SLC1A2: variants seen among roughly 807,000 people sequenced by gnomAD.
SLC1A2 encodes solute carrier family 1 member 2.
Under a neutral mutation model 48.8 loss-of-function variants are expected in SLC1A2, and 15 were observed. The ratio of observed to expected loss-of-function variants is 0.31; its 90% CI spans 0.21 to 0.47. SLC1A2 has a LOEUF of 0.47. Among genes scored for constraint, SLC1A2 ranks in the 20% least tolerant of loss-of-function variants. The pLI, the probability that SLC1A2 is intolerant of heterozygous loss-of-function variation, is 0.99. For missense variants in SLC1A2, 502 were observed against 730.5 expected, an observed-to-expected ratio of 0.69 and a Z score of 3.61; for synonymous variants, 279 against 272.6, an observed-to-expected ratio of 1.02 and a Z score of -0.23.
At chr11:35,346,433 C>A (rs1044583766) in intron 1 of SLC1A2, among the ~76,000 whole-genome samples, 2 of 152,178 alleles carry the variant, frequency 1.3e-5, no homozygotes, top group Non-Finnish European at 2.9e-5. Context: ...AAAGAAGCTG[C>A]CTTTCACTCA....
rs1489555701 is a variant in SLC1A2, at chr11:35,258,366, T to C, written c.*2528A>G. ...GTCTGCTGACATATTTACAGGCTAA[T>C]AGGATAGCTAGGAAAAAGTTGAAGA... On this transcript the variant is annotated 3_prime_UTR_variant, in exon 11 of 11. Transcript: ENST00000278379. 6.6e-6 allele frequency: 1 copy of C among 152,272 alleles called. No homozygotes were observed. Among genetic ancestry groups the C allele is most frequent in the Non-Finnish European group, 1.5e-5 (1 of 68,030 alleles). The allele number at this position is 152,272 out of a possible 1,614,324, so 9.4% of individuals were successfully genotyped here. A position where few individuals can be genotyped will look rare whatever the true frequency, so the allele number is the denominator to read the frequency against.
At chr11:35,271,796 T>A (rs771706880) in intron 9 of SLC1A2, among the ~76,000 whole-genome samples, 1 of 152,150 alleles carries the variant, frequency 6.6e-6, no homozygotes, top group South Asian at 2.1e-4. Flanking sequence ...TGAGCCATGA[T>A]AGCGCCACTG....
At chr11:35,363,492 GAA>G (rs892503649) in intron 1 of SLC1A2, among the ~76,000 whole-genome samples, 1 of 152,130 alleles carries the variant, frequency 6.6e-6, no homozygotes, top group Non-Finnish European at 1.5e-5. Flanking sequence ...CAGGACCAGA[GAA>G]TGCCTTCAGA....
intron 1 of SLC1A2, among the ~76,000 whole-genome samples, chr11:35,394,472 G>GA (rs912211400): frequency 1.7e-4 from 26 of 151,374 alleles, no homozygotes; most frequent in Non-Finnish European, 2.7e-4. Context: ...CTCCCCTGAT[G>GA]AAAAAAAAAT....
At chr11:35,305,093 A>T (rs1325367453) in intron 5 of SLC1A2, among the ~76,000 whole-genome samples, 1 of 152,170 alleles carries the variant, frequency 6.6e-6, no homozygotes, top group Non-Finnish European at 1.5e-5. Context: ...TTTTGGCCAA[A>T]TGCCCCTATT....
chr11:35,397,255 A>G (rs1006674142), intron 1 of SLC1A2, among the ~76,000 whole-genome samples: 1 of 148,664 alleles, frequency 6.7e-6, no homozygotes, highest in Non-Finnish European at 1.5e-5. Flanking sequence ...AGCCGGAGGC[A>G]TCACGCTACC....
intron 1 of SLC1A2, among the ~76,000 whole-genome samples, chr11:35,327,305 A>C (rs989312246): frequency 2.0e-5 from 3 of 149,358 alleles, no homozygotes; most frequent in Non-Finnish European, 4.4e-5. Flanking sequence ...AAATACATAT[A>C]GTATATCTAT....
chr11:35,336,364 G>C (rs1852633020), intron 1 of SLC1A2, among the ~76,000 whole-genome samples: 1 of 152,148 alleles, frequency 6.6e-6, no homozygotes, highest in Non-Finnish European at 1.5e-5. Flanking sequence ...AAGGTTTCTT[G>C]ATGATCTCTA....
At chr11:35,298,144 C>G (rs778187537) in intron 6 of SLC1A2, 10 of 152,074 alleles carry the variant, frequency 6.6e-5, no homozygotes, top group Non-Finnish European at 1.3e-4. Flanking sequence ...TTGTTCAGTA[C>G]TATTGTGAAG....
chr11:35,352,720 T>C (rs982848874), intron 1 of SLC1A2, among the ~76,000 whole-genome samples: 1 of 152,206 alleles, frequency 6.6e-6, no homozygotes, highest in Non-Finnish European at 1.5e-5. Context: ...TACACCTTAC[T>C]GGATACATTT....
Position 35,251,721 on chromosome 11 carries a change from T to C in SLC1A2, c.*9173A>G, listed in dbSNP as rs3088168. 0.33 allele frequency: 50,336 copies of C among 152,412 alleles called. 9,401 individuals carry two copies. The highest frequency in any genetic ancestry group is 0.54 in the South Asian group (2,585 of 4,822). 9.4% of individuals were successfully genotyped at this position (152,412 alleles called of 1,614,324 possible). A position where few individuals can be genotyped will look rare whatever the true frequency, so the allele number is the denominator to read the frequency against. On this transcript the variant is annotated 3_prime_UTR_variant, in exon 11 of 11. Transcript: ENST00000278379. ...AGGAAAAATTAGCCTGTCCACCATATCTCCTCATATGAAGCAGCCACTGCA... is the reference window on the plus strand; with the variant it reads ...AGGAAAAATTAGCCTGTCCACCATACCTCCTCATATGAAGCAGCCACTGCA...
intron 1 of SLC1A2, among the ~76,000 whole-genome samples, chr11:35,358,142 T>TAA (rs879302935): frequency 7.1e-6 from 1 of 141,686 alleles, no homozygotes; most frequent in Non-Finnish European, 1.5e-5. Context: ...AGACTCCGTC[T>TAA]AAAAAAAAAA....
intron 3 of SLC1A2, 138 bp from the exon 4 acceptor site, chr11:35,312,586 C>T: frequency 9.6e-7 from 1 of 1,036,760 alleles, no homozygotes; most frequent in Non-Finnish European, 1.4e-6. Context: ...AGTCTTCCCT[C>T]AATATCCATG....
chr11:35,355,224 T>C (rs1406550684), intron 1 of SLC1A2, among the ~76,000 whole-genome samples: 1 of 152,182 alleles, frequency 6.6e-6, no homozygotes, highest in African/African-American at 2.4e-5. Context: ...TAAAACATTA[T>C]AGAGTTTACT....
chr11:35,280,953 G>A lies in SLC1A2; in HGVS notation c.1335C>T (p.Ala445=), dbSNP rs139804773. 1.5e-4 allele frequency: 246 copies of A among 1,612,694 alleles called. 1 individual carries two copies. The highest frequency in any genetic ancestry group is 2.0e-4 in the African/African-American group (15 of 74,950). Residue 445 remains alanine (A), a synonymous_variant, in exon 9 of 11, where the codon GCC becomes GCT. Coordinates refer to ENST00000278379, the MANE Select transcript of SLC1A2 (RefSeq NM_004171.4). The part of the protein sequence containing the change: ...ASVGAASIPS[A]GLVTMLLILT... ...GAATGAGGAGCATGGTGACCAGCCC[G>A]GCACTGGGGATACTGGCCGCGCCGA...
chr11:35,300,252 A>G (rs1365080020), intron 6 of SLC1A2, among the ~76,000 whole-genome samples: 10 of 152,248 alleles, frequency 6.6e-5, no homozygotes, highest in African/African-American at 9.6e-5. Context: ...CTCCCTAGCT[A>G]TAATCATCTT....
In SLC1A2 at chr11:35,252,197, TAGTC is replaced by T. The variant is rs1395091557; in HGVS notation, c.*8693_*8696del. 6.6e-6 allele frequency: 1 copy of T among 152,584 alleles called. No individual in the cohort carries two copies. 9.5% of individuals were successfully genotyped at this position (152,584 alleles called of 1,614,324 possible). A position where few individuals can be genotyped will look rare whatever the true frequency, so the allele number is the denominator to read the frequency against. ...ACCTGCAGATGCATTTGCAGTTAGT[TAGTC>T]AGCAATGTTTTTTCCTGTACCCTGA... On this transcript the variant is annotated 3_prime_UTR_variant, in exon 11 of 11. Transcript: ENST00000278379.
At chr11:35,374,186 C>T (rs947895307) in intron 1 of SLC1A2, 6 of 423,628 alleles carry the variant, frequency 1.4e-5, no homozygotes, top group Non-Finnish European at 2.6e-5. Flanking sequence ...GTGATTCTAC[C>T]ACAGCCTCCC....
intron 1 of SLC1A2, among the ~76,000 whole-genome samples, chr11:35,327,158 G>T (rs1852276444): frequency 6.6e-6 from 1 of 152,142 alleles, no homozygotes; most frequent in South Asian, 2.1e-4. Flanking sequence ...TTTTAATCCA[G>T]ATGCTCATTT....
Sources: gnomAD v4.1 joint callset for allele counts (sites outside exome capture counted in the v4.1 genomes callset) on GRCh38, gnomAD v4.1.1 for gene constraint, MANE v1.5 for transcripts, NCBI Gene and HGNC (gene_info 2026-07-23, HGNC 2026-07-21) for gene names.